UBE2V1: variants seen among roughly 807,000 people sequenced by gnomAD.
The protein encoded by UBE2V1 is ubiquitin-conjugating enzyme E2 variant 1.
UBE2V1 carries 15 observed loss-of-function variants against 19.6 expected under a neutral mutation model. The observed-to-expected ratio is 0.77, with a 90% CI of 0.51 to 1.18. The LOEUF (loss-of-function observed/expected upper bound fraction) is 1.18, where lower values mean the gene tolerates loss of function less well. Among genes scored for constraint, UBE2V1 ranks in the 50% most tolerant of loss-of-function variants. UBE2V1 has a pLI of 0.00. For missense variants in UBE2V1, 125 were observed against 184.8 expected, an observed-to-expected ratio of 0.68 and a Z score of 1.88; for synonymous variants, 60 against 60.7, an observed-to-expected ratio of 0.99 and a Z score of 0.05.
At chr20:50,096,898 C>T in intron 1 of UBE2V1, 78 bp from the exon 2 acceptor site, 1 of 1,580,026 alleles carries the variant, frequency 6.3e-7, no homozygotes, top group Non-Finnish European at 8.6e-7. Flanking sequence ...TGCTCATTAT[C>T]TCTCCCTGGG....
At chr20:50,098,018 T>C (rs2079741652) in intron 1 of UBE2V1, among the ~76,000 whole-genome samples, 1 of 152,192 alleles carries the variant, frequency 6.6e-6, no homozygotes, top group African/African-American at 2.4e-5. Flanking sequence ...AGAAGACATA[T>C]AATGGACAAA....
chr20:50,109,436 C>A (rs2080599649), intron 1 of UBE2V1, among the ~76,000 whole-genome samples: 1 of 151,878 alleles, frequency 6.6e-6, no homozygotes, highest in South Asian at 2.1e-4. Context: ...TCAAAATTAA[C>A]CTTGGTAATC....
chr20:50,112,709 G>T (rs2080841885), intron 1 of UBE2V1, among the ~76,000 whole-genome samples: 1 of 152,144 alleles, frequency 6.6e-6, no homozygotes, highest in South Asian at 2.1e-4. Flanking sequence ...CGCACCCCTG[G>T]CACCCAGTAT....
intron 2 of UBE2V1, among the ~76,000 whole-genome samples, chr20:50,086,533 T>C (rs930551927): frequency 2.0e-5 from 3 of 151,978 alleles, no homozygotes; most frequent in Non-Finnish European, 2.9e-5. Flanking sequence ...TTATGGAGAA[T>C]ATAACAGATC....
At chr20:50,094,859 G>C (rs2079531528) in intron 2 of UBE2V1, 1 of 152,068 alleles carries the variant, frequency 6.6e-6, no homozygotes, top group Non-Finnish European at 1.5e-5. Context: ...TATTTAAAAG[G>C]GTGAATTCTA....
At chr20:50,087,393 C>CAAA (rs10716682) in intron 2 of UBE2V1, among the ~76,000 whole-genome samples, 31 of 101,384 alleles carry the variant, frequency 3.1e-4, no homozygotes, top group African/African-American at 7.2e-4. Flanking sequence ...GACACTTTGT[C>CAAA]AAAAAAAAAA....
At chr20:50,112,876 G>A (rs1441896831) in intron 1 of UBE2V1, among the ~76,000 whole-genome samples, 1 of 152,086 alleles carries the variant, frequency 6.6e-6, no homozygotes, top group Non-Finnish European at 1.5e-5. Context: ...CCTCCCGGGG[G>A]AGCCTCAGGG....
At chr20:50,110,488 G>A (rs936822477) in intron 1 of UBE2V1, among the ~76,000 whole-genome samples, 5 of 152,196 alleles carry the variant, frequency 3.3e-5, no homozygotes, top group Non-Finnish European at 7.3e-5. Flanking sequence ...CCTGACTAAG[G>A]AAGGCCTCTG....
At chr20:50,113,069 T>G in intron 1 of UBE2V1, 38 bp downstream of exon 1, 3 of 969,092 alleles carry the variant, frequency 3.1e-6, no homozygotes, top group Non-Finnish European at 4.2e-6. Flanking sequence ...CCCAAGCCCA[T>G]GCCCCCTCGG....
At position 50,102,185 on chromosome 20, in the gene UBE2V1, A is replaced by G. The variant is rs142672242; in HGVS notation, c.23-5365T>C. 3.8e-3 allele frequency among the ~76,000 whole-genome samples: 583 copies of G among 152,338 alleles called. 1 individual carries two copies. Among genetic ancestry groups the G allele is most frequent in the Non-Finnish European group, 6.5e-3 (443 of 68,024 alleles). On this transcript the variant is annotated intron_variant, in intron 1 of 3. Transcript: ENST00000371674. Reference sequence around the variant, plus strand: ...ATAGGCCTGCGTGATGGGAAGTAGAAGAGATGTAGAAGATAGGGTAATTAA... The same window carrying G: ...ATAGGCCTGCGTGATGGGAAGTAGAGGAGATGTAGAAGATAGGGTAATTAA...
Position 50,081,150 on chromosome 20 carries a change from T to A in UBE2V1, c.*1618A>T, listed in dbSNP as rs1235224359. On this transcript the variant is annotated 3_prime_UTR_variant, in exon 4 of 4. Transcript: ENST00000371674. ...TAAATATTAACGCACACTTTTTTTTTATTATATTAAAATCAGGCAATGGTC... is the reference window on the plus strand; with the variant it reads ...TAAATATTAACGCACACTTTTTTTTAATTATATTAAAATCAGGCAATGGTC... The A allele has an allele frequency of 1.3e-5, 2 of 150,652 alleles. No individual in the cohort carries two copies. The highest frequency in any genetic ancestry group is 6.6e-5 in the Admixed American group (1 of 15,104). The allele number at this position is 150,652 out of a possible 1,614,324, so 9.3% of individuals were successfully genotyped here. A position where few individuals can be genotyped will look rare whatever the true frequency, so the allele number is the denominator to read the frequency against.
intron 2 of UBE2V1, among the ~76,000 whole-genome samples, chr20:50,092,702 C>T (rs2079315796): frequency 6.6e-6 from 1 of 152,166 alleles, no homozygotes; most frequent in Admixed American, 6.5e-5. Flanking sequence ...GAGCAGTTGG[C>T]TCAGAAGCTT....
chr20:50,093,255 G>A (rs2079348659), intron 2 of UBE2V1, among the ~76,000 whole-genome samples: 1 of 152,238 alleles, frequency 6.6e-6, no homozygotes, highest in Non-Finnish European at 1.5e-5. Context: ...AGAATTCCTG[G>A]ATCACATGGT....
chr20:50,115,183 C>G, upstream of UBE2V1: 2 of 289,468 alleles, frequency 6.9e-6, no homozygotes, highest in East Asian at 1.3e-4. Flanking sequence ...TTTGCAAGCC[C>G]CCTGGAACAC....
intron 2 of UBE2V1, among the ~76,000 whole-genome samples, chr20:50,094,739 G>A (rs2079523342): frequency 1.3e-5 from 2 of 152,066 alleles, no homozygotes; most frequent in Admixed American, 1.3e-4. Flanking sequence ...GATGTGGGAG[G>A]GAGAATGGGG....
At chr20:50,110,772 T>C (rs977795011) in intron 1 of UBE2V1, among the ~76,000 whole-genome samples, 3 of 152,202 alleles carry the variant, frequency 2.0e-5, no homozygotes, top group African/African-American at 7.2e-5. Context: ...TCTCTCCAAC[T>C]CATCTCCTTA....
rs143625922 is a variant in UBE2V1 at position 50,098,282 on chromosome 20, C to A, written c.23-1462G>T. 7.9e-5 allele frequency among the ~76,000 whole-genome samples: 12 copies of A among 152,130 alleles called. No individual in the cohort carries two copies. In the East Asian group the frequency reaches 2.3e-3, roughly 29 times the overall value. ...AGGGTGTCAAAGGACAGCAAGGAGG[C>A]CAATTTAGCTCAAACCAAGTGAGGA... On this transcript the variant is annotated intron_variant, in intron 1 of 3. Coordinates refer to ENST00000371674, the MANE Select transcript of UBE2V1 (RefSeq NM_001032288.3).
At chr20:50,090,923 T>C (rs1478238345) in intron 2 of UBE2V1, among the ~76,000 whole-genome samples, 1 of 152,250 alleles carries the variant, frequency 6.6e-6, no homozygotes, top group Non-Finnish European at 1.5e-5. Context: ...ACAGCTTTTA[T>C]TTATCAATTA....
In UBE2V1 at chr20:50,107,671, T is replaced by C. The variant is rs575084391; in HGVS notation, c.22+5436A>G. On this transcript the variant is annotated intron_variant, in intron 1 of 3. Transcript: ENST00000371674. ...TTGTTTCTCCACAAATTGTCAAATG[T>C]ATCCATTTGGCTACATCAAAGAGAT... Among the ~76,000 whole-genome samples the C allele has an allele frequency of 3.2e-4, 48 of 152,372 alleles. No homozygotes were observed. In the Middle Eastern group the frequency reaches 0.01, roughly 32 times the overall value.
Sources: allele counts gnomAD v4.1 joint callset (sites outside exome capture counted in the v4.1 genomes callset), GRCh38; gene constraint gnomAD v4.1.1; transcripts MANE v1.5; gene names NCBI Gene and HGNC (gene_info 2026-07-23, HGNC 2026-07-21).